Variants in KCNN2 observed in about 807,000 individuals in gnomAD.
The protein encoded by KCNN2 is potassium calcium-activated channel subfamily N member 2, also known as small conductance calcium-activated potassium channel protein 2.
KCNN2 carries 24 observed loss-of-function variants against 55.5 expected under a neutral mutation model. The ratio of observed to expected loss-of-function variants is 0.43; its 90% CI spans 0.31 to 0.61. The LOEUF is 0.61. Among genes scored for constraint, KCNN2 ranks in the 20% least tolerant of loss-of-function variants. KCNN2 has a pLI of 0.08. For missense variants in KCNN2, 754 were observed against 853.6 expected, an observed-to-expected ratio of 0.88 and a Z score of 1.45; for synonymous variants, 431 against 336.1, an observed-to-expected ratio of 1.28 and a Z score of -3.09.
At chr5:114,442,303 A>C (rs1405014847) in intron 3 of KCNN2, among the ~76,000 whole-genome samples, 1 of 151,692 alleles carries the variant, frequency 6.6e-6, no homozygotes, top group East Asian at 1.9e-4. Flanking sequence ...GAGAGTCAAT[A>C]TTTGTAAATA....
At chr5:114,331,726 G>A (rs1331375758) in intron 2 of KCNN2, among the ~76,000 whole-genome samples, 4 of 152,146 alleles carry the variant, frequency 2.6e-5, no homozygotes, top group Non-Finnish European at 5.9e-5. Context: ...TCAGTCTATT[G>A]TTGGTTAACT....
chr5:114,258,494 T>G (rs1755030495), intron 2 of KCNN2, among the ~76,000 whole-genome samples: 1 of 152,174 alleles, frequency 6.6e-6, no homozygotes, highest in Non-Finnish European at 1.5e-5. Flanking sequence ...CTTGGGAGAT[T>G]TTTTATTACT....
At chr5:114,307,363 T>C (rs1414529939) in intron 2 of KCNN2, among the ~76,000 whole-genome samples, 1 of 152,182 alleles carries the variant, frequency 6.6e-6, no homozygotes, top group African/African-American at 2.4e-5. Flanking sequence ...TAATTATGTA[T>C]GTTTATATAT....
intron 2 of KCNN2, among the ~76,000 whole-genome samples, chr5:114,227,861 A>G (rs969201162): frequency 7.2e-5 from 11 of 152,174 alleles, no homozygotes; most frequent in African/African-American, 2.7e-4. Context: ...CATGAAGAGT[A>G]TATATGAGTG....
intron 1 of KCNN2, among the ~76,000 whole-genome samples, chr5:114,180,888 T>A (rs976559809): frequency 1.3e-5 from 2 of 152,238 alleles, no homozygotes; most frequent in African/African-American, 4.8e-5. Context: ...CATACAATTA[T>A]CTACTCTTTT....
At chr5:114,372,753 G>A (rs536970332) in intron 2 of KCNN2, among the ~76,000 whole-genome samples, 1 of 152,016 alleles carries the variant, frequency 6.6e-6, no homozygotes, top group South Asian at 2.1e-4. Context: ...TATTTGATAC[G>A]TTATTGTATA....
intron 1 of KCNN2, among the ~76,000 whole-genome samples, chr5:114,140,269 C>T (rs186885036): frequency 1.4e-4 from 22 of 152,200 alleles, no homozygotes; most frequent in South Asian, 1.2e-3. Context: ...ACATATAGTA[C>T]GAGGTTTATT....
At chr5:114,307,329 G>C (rs1332438770) in intron 2 of KCNN2, among the ~76,000 whole-genome samples, 1 of 152,066 alleles carries the variant, frequency 6.6e-6, no homozygotes, top group African/African-American at 2.4e-5. Context: ...CCAACTCCTG[G>C]TTTAAAAGAA....
intron 1 of KCNN2, among the ~76,000 whole-genome samples, chr5:114,190,310 C>A (rs762810143): frequency 1.3e-5 from 2 of 152,046 alleles, no homozygotes; most frequent in Admixed American, 6.6e-5. Flanking sequence ...TAGAAAGCAA[C>A]CTAAATTTAC....
Position 114,073,378 on chromosome 5 carries a change from C to T in KCNN2, c.-271+16878C>T, listed in dbSNP as rs151280867. Among the ~76,000 whole-genome samples, 327 of 152,240 alleles carry T rather than the reference C, an allele frequency of 2.1e-3. 1 individual carries two copies. Among genetic ancestry groups the T allele is most frequent in the African/African-American group, 6.8e-3 (281 of 41,536 alleles). On this transcript the variant is annotated intron_variant, in intron 1 of 10. Transcript: ENST00000512097. Reference sequence around the variant, plus strand: ...GGCCTATTGATGTATTCACTCTTTTCCTCTAAATCTGTATTCTAGACTTTA... The same window carrying T: ...GGCCTATTGATGTATTCACTCTTTTTCTCTAAATCTGTATTCTAGACTTTA...
intron 2 of KCNN2, among the ~76,000 whole-genome samples, chr5:114,258,276 T>A (rs981374082): frequency 1.3e-5 from 2 of 152,200 alleles, no homozygotes; most frequent in African/African-American, 4.8e-5. Flanking sequence ...TGCAGCTATG[T>A]TCTTCAGTGA....
chr5:114,155,711 TG>T (rs1383741944), intron 1 of KCNN2, among the ~76,000 whole-genome samples: 1 of 152,174 alleles, frequency 6.6e-6, no homozygotes, highest in Non-Finnish European at 1.5e-5. Context: ...TCATGTCCTT[TG>T]CCCACTTTTT....
At chr5:114,280,911 G>A (rs1306799943) in intron 2 of KCNN2, among the ~76,000 whole-genome samples, 1 of 152,080 alleles carries the variant, frequency 6.6e-6, no homozygotes, top group Non-Finnish European at 1.5e-5. Flanking sequence ...TCCTTGTTCT[G>A]TTCTCATTCT....
chr5:114,253,930 A>C (rs991985500), intron 2 of KCNN2, among the ~76,000 whole-genome samples: 21 of 152,182 alleles, frequency 1.4e-4, no homozygotes, highest in African/African-American at 4.8e-4. Context: ...TCTTGTTTGC[A>C]TTCTGCATCA....
intron 1 of KCNN2, among the ~76,000 whole-genome samples, chr5:114,106,811 C>G (rs993585200): frequency 6.6e-6 from 1 of 151,804 alleles, no homozygotes; most frequent in Non-Finnish European, 1.5e-5. Context: ...TATTGAAAAC[C>G]TCTGCCACTC....
intron 3 of KCNN2, among the ~76,000 whole-genome samples, chr5:114,424,842 G>A (rs746091397): frequency 6.6e-6 from 1 of 152,182 alleles, no homozygotes; most frequent in African/African-American, 2.4e-5. Flanking sequence ...AATATACACT[G>A]AACACAGGAG....
At chr5:114,203,555 A>G (rs968353581) in intron 1 of KCNN2, among the ~76,000 whole-genome samples, 1 of 152,136 alleles carries the variant, frequency 6.6e-6, no homozygotes, top group African/African-American at 2.4e-5. Flanking sequence ...CTGACCTTTG[A>G]GTCAAGGACC....
chr5:114,240,866 A>G (rs1754603493), intron 2 of KCNN2, among the ~76,000 whole-genome samples: 1 of 152,146 alleles, frequency 6.6e-6, no homozygotes, highest in Admixed American at 6.5e-5. Flanking sequence ...AAATTAGTAT[A>G]AATATGTGAA....
At chr5:114,378,718 T>A (rs757101013) in intron 2 of KCNN2, among the ~76,000 whole-genome samples, 6 of 152,054 alleles carry the variant, frequency 3.9e-5, no homozygotes, top group Non-Finnish European at 7.4e-5. Context: ...TGGTGCTGCA[T>A]AACTTAGTGT....
Sources: gnomAD v4.1 joint callset for allele counts (sites outside exome capture counted in the v4.1 genomes callset) on GRCh38, gnomAD v4.1.1 for gene constraint, MANE v1.5 for transcripts, NCBI Gene and HGNC (gene_info 2026-07-23, HGNC 2026-07-21) for gene names.